Variants in STRN3 observed in about 807,000 individuals in gnomAD.
STRN3 encodes striatin-3.
In STRN3, 29 loss-of-function variants were observed where a neutral mutation model predicts 95.6. The ratio of observed to expected loss-of-function variants is 0.30; its 90% CI spans 0.23 to 0.41. STRN3 has a LOEUF of 0.41. Ranked by LOEUF, STRN3 falls within the 10% of genes least tolerant of loss-of-function variation. The pLI is 1.00. For missense variants in STRN3, 890 were observed against 972.1 expected (o/e 0.92, Z 1.12); for synonymous variants, 331 against 357.6 (o/e 0.93, Z 0.84).
At chr14:30,998,184 A>C (rs1882289578) in intron 1 of STRN3, among the ~76,000 whole-genome samples, 2 of 152,210 alleles carry the variant, frequency 1.3e-5, no homozygotes, top group Non-Finnish European at 2.9e-5. Flanking sequence ...GTTCTGTGGA[A>C]GACTACTAGC....
chr14:30,971,042 A>C (rs1367501389), intron 1 of STRN3, among the ~76,000 whole-genome samples: 1 of 152,256 alleles, frequency 6.6e-6, no homozygotes, highest in Non-Finnish European at 1.5e-5. Context: ...TCCAGCCTCC[A>C]TCTCCCAACA....
intron 1 of STRN3, among the ~76,000 whole-genome samples, chr14:30,989,402 A>G (rs1459596785): frequency 6.6e-6 from 1 of 152,184 alleles, no homozygotes; most frequent in South Asian, 2.1e-4. Flanking sequence ...CTCCAAAGGT[A>G]GTAGATTGGG....
chr14:30,920,655 T>C (rs891863190), intron 8 of STRN3, among the ~76,000 whole-genome samples: 3 of 152,234 alleles, frequency 2.0e-5, no homozygotes, highest in Non-Finnish European at 2.9e-5. Context: ...CTATTGACTT[T>C]AATCAAGGCT....
At chr14:30,978,619 A>C (rs1413698447) in intron 1 of STRN3, among the ~76,000 whole-genome samples, 4 of 152,198 alleles carry the variant, frequency 2.6e-5, no homozygotes, top group Non-Finnish European at 5.9e-5. Context: ...TAGCTAATGC[A>C]AGAGATGAGA....
intron 1 of STRN3, among the ~76,000 whole-genome samples, chr14:30,995,535 T>G (rs182859225): frequency 6.6e-6 from 1 of 152,132 alleles, no homozygotes; most frequent in African/African-American, 2.4e-5. Flanking sequence ...TCCTTCTGAT[T>G]AGGATTTCAG....
intron 1 of STRN3, among the ~76,000 whole-genome samples, chr14:31,019,886 C>T (rs200763511): frequency 3.5e-5 from 5 of 143,068 alleles, no homozygotes; most frequent in Non-Finnish European, 6.0e-5. Flanking sequence ...CACTCATTTT[C>T]TTTTTTTTTT....
chr14:30,968,639 A>G (rs1332253897), intron 1 of STRN3, among the ~76,000 whole-genome samples: 2 of 149,610 alleles, frequency 1.3e-5, no homozygotes, highest in Non-Finnish European at 3.0e-5. Flanking sequence ...AGAAGGCACC[A>G]CCGCACTCCA....
Position 31,025,758 on chromosome 14 carries a change from G to A in STRN3, c.282+146C>T, listed in dbSNP as rs147839434. 1.8e-4 allele frequency: 205 copies of A among 1,127,332 alleles called. No individual in the cohort carries two copies. In the African/African-American group the frequency reaches 2.9e-3, roughly 16 times the overall value. The allele number at this position is 1,127,332 out of a possible 1,614,324, so 69.8% of individuals were successfully genotyped here. On this transcript the variant is annotated intron_variant, in intron 1 of 17. Coordinates refer to ENST00000357479, the MANE Select transcript of STRN3 (RefSeq NM_001083893.2). ...GAGGGGGACTCCAGGAAAAGCCGTTGAGAGGACCATCACAACCTGAGCAGC... is the reference window on the plus strand; with the variant it reads ...GAGGGGGACTCCAGGAAAAGCCGTTAAGAGGACCATCACAACCTGAGCAGC...
intron 1 of STRN3, among the ~76,000 whole-genome samples, chr14:31,004,957 A>C (rs2139302143): frequency 6.6e-6 from 1 of 152,220 alleles, no homozygotes; most frequent in South Asian, 2.1e-4. Flanking sequence ...TCCAGAGATG[A>C]TGCTGAGGGC....
At chr14:30,944,147 G>A (rs1047562185) in intron 5 of STRN3, among the ~76,000 whole-genome samples, 2 of 151,926 alleles carry the variant, frequency 1.3e-5, no homozygotes, top group African/African-American at 4.8e-5. Flanking sequence ...CTAAGAGTGA[G>A]GGGGAAAAAA....
rs556807076 is a variant in STRN3, at chr14:30,894,133, T to C, written c.*1278A>G. 6.6e-6 allele frequency: 1 copy of C among 152,544 alleles called. No individual in the cohort carries two copies. The highest frequency in any genetic ancestry group is 2.1e-4 in the South Asian group (1 of 4,826). The allele number at this position is 152,544 out of a possible 1,614,324, so 9.4% of individuals were successfully genotyped here. A position where few individuals can be genotyped will look rare whatever the true frequency, so the allele number is the denominator to read the frequency against. On this transcript the variant is annotated 3_prime_UTR_variant, in exon 18 of 18. Transcript: ENST00000357479. ...TAGTTACACCATAAAATTAAGCACA[T>C]CTAAAAAAATAAAACAGGGATAACT...
In STRN3 at chr14:30,984,353, G is replaced by A. The variant is rs141575860; in HGVS notation, c.283-28111C>T. Among the ~76,000 whole-genome samples the A allele has an allele frequency of 8.6e-3, 1,286 of 149,006 alleles. 19 individuals are homozygous for A. The highest frequency in any genetic ancestry group is 0.031 in the African/African-American group (1,240 of 40,402). ...CAAGAGGCAGAGACTGCAGTGAGCT[G>A]AGATCATGCCACTGCACTCCAGCCT... On this transcript the variant is annotated intron_variant, in intron 1 of 17. Coordinates refer to ENST00000357479, the MANE Select transcript of STRN3 (RefSeq NM_001083893.2).
chr14:30,921,371 G>A lies in STRN3; in HGVS notation c.1100-2265C>T, dbSNP rs147652298. Among the ~76,000 whole-genome samples, 432 of 152,218 alleles carry A rather than the reference G, an allele frequency of 2.8e-3. 3 individuals carry two copies. The highest frequency in any genetic ancestry group is 9.8e-3 in the African/African-American group (407 of 41,518). ...TACACATGAACTGGGAGATATAGAA[G>A]GGAAAGAAATTAGGAGATATTATGG... On this transcript the variant is annotated intron_variant, in intron 8 of 17. Coordinates refer to ENST00000357479, the MANE Select transcript of STRN3 (RefSeq NM_001083893.2).
rs191041227 is a variant in STRN3, at chr14:30,948,124, T to C, written c.543-861A>G. Among the ~76,000 whole-genome samples, 288 of 152,324 alleles carry C rather than the reference T, an allele frequency of 1.9e-3. 2 individuals carry two copies. Among genetic ancestry groups the C allele is most frequent in the African/African-American group, 6.4e-3 (265 of 41,586 alleles). ...TGCACAAATGTATGTGGAAGTAGAA[T>C]GAATAAACAAGTAAGAACTCTACAC... On this transcript the variant is annotated intron_variant, in intron 4 of 17. Coordinates refer to ENST00000357479, the MANE Select transcript of STRN3 (RefSeq NM_001083893.2).
intron 16 of STRN3, among the ~76,000 whole-genome samples, chr14:30,897,337 C>T (rs1182159011): frequency 6.6e-6 from 1 of 152,178 alleles, no homozygotes; most frequent in Non-Finnish European, 1.5e-5. Context: ...GTAATCCCAG[C>T]ACTTTGGGAG....
chr14:30,990,671 G>A (rs2139258478), intron 1 of STRN3, among the ~76,000 whole-genome samples: 1 of 152,250 alleles, frequency 6.6e-6, no homozygotes, highest in Non-Finnish European at 1.5e-5. Flanking sequence ...TGAGGGAGCG[G>A]TTTCAGGACC....
chr14:30,962,120 C>T (rs1363663936), intron 1 of STRN3, among the ~76,000 whole-genome samples: 3 of 151,906 alleles, frequency 2.0e-5, no homozygotes, highest in Admixed American at 2.0e-4. Context: ...CTAGGCCTTA[C>T]GTAGGCATAG....
At chr14:31,011,596 T>C (rs1288423428) in intron 1 of STRN3, among the ~76,000 whole-genome samples, 1 of 152,134 alleles carries the variant, frequency 6.6e-6, no homozygotes, top group Non-Finnish European at 1.5e-5. Flanking sequence ...TGAGCTGAGA[T>C]CATGCCAATG....
chr14:31,013,905 ATTATTATTATTAT>A (rs1341747209), intron 1 of STRN3, among the ~76,000 whole-genome samples: 1 of 116,710 alleles, frequency 8.6e-6, no homozygotes, highest in Non-Finnish European at 1.9e-5. Context: ...TATTATTATT[ATTATTATTATTAT>A]TTGAGACAGA....
Sources: allele counts gnomAD v4.1 joint callset (sites outside exome capture counted in the v4.1 genomes callset), GRCh38; gene constraint gnomAD v4.1.1; transcripts MANE v1.5; gene names NCBI Gene and HGNC (gene_info 2026-07-23, HGNC 2026-07-21).